The following BRINP2 variants were observed in gnomAD, a reference collection of about 807,000 sequenced individuals.
BRINP2 encodes BMP/retinoic acid-inducible neural-specific protein 2.
In BRINP2, 21 loss-of-function variants were observed where a neutral mutation model predicts 69.2. The observed-to-expected ratio is 0.30, with a 90% CI of 0.22 to 0.44. The LOEUF (loss-of-function observed/expected upper bound fraction) is 0.44, where lower values mean the gene tolerates loss of function less well. Among genes scored for constraint, BRINP2 ranks in the 20% least tolerant of loss-of-function variants. The probability of loss-of-function intolerance (pLI) is 1.00; values close to 1 mark genes in which losing one functional copy is unlikely to be tolerated. For synonymous variants in BRINP2, 380 were observed against 394.1 expected (o/e 0.96, Z 0.42); for missense variants, 877 against 986.0 (o/e 0.89, Z 1.48).
intron 1 of BRINP2, among the ~76,000 whole-genome samples, chr1:177,220,976 T>G (rs1394640077): frequency 6.6e-6 from 1 of 152,232 alleles, no homozygotes; most frequent in Non-Finnish European, 1.5e-5. Context: ...GAAAAGTGAT[T>G]GTAGGTGAAT....
At chr1:177,238,468 T>C (rs965555291) in intron 2 of BRINP2, among the ~76,000 whole-genome samples, 1 of 152,164 alleles carries the variant, frequency 6.6e-6, no homozygotes, top group South Asian at 2.1e-4. Flanking sequence ...CACTGGATTG[T>C]GGGGATGGGA....
At chr1:177,278,524 A>G (rs1407014922) in intron 6 of BRINP2, 39 bp from the exon 7 acceptor site, 4 of 1,598,772 alleles carry the variant, frequency 2.5e-6, no homozygotes, top group Non-Finnish European at 2.6e-6. Flanking sequence ...AGTTCTGCAT[A>G]GCTACCCGTC....
intron 1 of BRINP2, among the ~76,000 whole-genome samples, chr1:177,225,906 G>A (rs1443921966): frequency 1.3e-5 from 2 of 152,216 alleles, no homozygotes; most frequent in African/African-American, 4.8e-5. Context: ...TTTTTGAGAG[G>A]AGCAGTCGGC....
chr1:177,177,460 C>A (rs946484996), intron 1 of BRINP2, among the ~76,000 whole-genome samples: 1 of 152,182 alleles, frequency 6.6e-6, no homozygotes, highest in Non-Finnish European at 1.5e-5. Flanking sequence ...ACAACTTGAA[C>A]TCATATTTGC....
chr1:177,242,727 G>A (rs562992434), intron 2 of BRINP2, among the ~76,000 whole-genome samples: 80 of 152,236 alleles, frequency 5.3e-4, no homozygotes, highest in South Asian at 3.7e-3. Context: ...AGAACATGTC[G>A]TATTTCACCT....
chr1:177,187,578 T>C (rs1648464247), intron 1 of BRINP2, among the ~76,000 whole-genome samples: 1 of 152,166 alleles, frequency 6.6e-6, no homozygotes, highest in African/African-American at 2.4e-5. Context: ...ATATGAAGCC[T>C]GGAGGATCAG....
At chr1:177,224,419 C>G (rs1571913823) in intron 1 of BRINP2, among the ~76,000 whole-genome samples, 1 of 152,126 alleles carries the variant, frequency 6.6e-6, no homozygotes, top group Non-Finnish European at 1.5e-5. Flanking sequence ...AGACTAAAAT[C>G]ATAATGCCTC....
chr1:177,229,524 C>T (rs1213879712), intron 1 of BRINP2, among the ~76,000 whole-genome samples: 1 of 152,178 alleles, frequency 6.6e-6, no homozygotes, highest in African/African-American at 2.4e-5. Flanking sequence ...TCTGGTTTTA[C>T]CACTTAATAG....
At chr1:177,246,256 T>C (rs1650376820) in intron 2 of BRINP2, among the ~76,000 whole-genome samples, 1 of 152,150 alleles carries the variant, frequency 6.6e-6, no homozygotes, top group Non-Finnish European at 1.5e-5. Context: ...ATGACAAAGG[T>C]GGACAGTACT....
At chr1:177,215,765 T>C (rs1393932484) in intron 1 of BRINP2, among the ~76,000 whole-genome samples, 2 of 152,160 alleles carry the variant, frequency 1.3e-5, no homozygotes. Flanking sequence ...ATCCTTGACT[T>C]GTTCCAGAAT....
At chr1:177,255,852 T>C in intron 2 of BRINP2, 67 bp from the exon 3 acceptor site, 1 of 1,502,410 alleles carries the variant, frequency 6.7e-7, no homozygotes, top group Non-Finnish European at 9.1e-7. Flanking sequence ...CATTACCTAC[T>C]TCAGATTTTA....
Position 177,224,589 on chromosome 1 carries a change from CT to C in BRINP2, c.-76-5199del, listed in dbSNP as rs113688655. On this transcript the variant is annotated intron_variant, in intron 1 of 7. Transcript: ENST00000361539. ...GCCAACTTGTAAGTGGCAAAGGCTC[CT>C]TTTTTTTTTTTTAATAGCTGTAATT... Among the ~76,000 whole-genome samples the C allele has an allele frequency of 9.5e-3, 1,365 of 143,228 alleles. 11 individuals carry two copies. Among genetic ancestry groups the C allele is most frequent in the African/African-American group, 0.027 (1,053 of 39,186 alleles). The allele number at this position is 143,228 out of a possible 152,430, so 94.0% of individuals were successfully genotyped here. A position where few individuals can be genotyped will look rare whatever the true frequency, so the allele number is the denominator to read the frequency against.
At position 177,281,719 on chromosome 1, in the gene BRINP2, TACACAC is replaced by T. The variant is rs113470314; in HGVS notation, c.*206_*211del. The T allele has an allele frequency of 5.5e-5, 30 of 548,728 alleles. No individual in the cohort carries two copies. Among genetic ancestry groups the T allele is most frequent in the African/African-American group, 3.8e-4 (20 of 52,296 alleles). 34.0% of individuals were successfully genotyped at this position (548,728 alleles called of 1,614,324 possible). ...GCTACTGCGTGCGTGCGCGCACGCA[TACACAC>T]ACACACACACACACTGGCACAGGGA... On this transcript the variant is annotated 3_prime_UTR_variant, in exon 8 of 8. Coordinates refer to ENST00000361539, the MANE Select transcript of BRINP2 (RefSeq NM_021165.4).
chr1:177,233,160 G>A (rs934035421), intron 2 of BRINP2, among the ~76,000 whole-genome samples: 1 of 152,166 alleles, frequency 6.6e-6, no homozygotes, highest in Non-Finnish European at 1.5e-5. Flanking sequence ...TTCTAGAATA[G>A]CTGCAGCCTC....
intron 4 of BRINP2, among the ~76,000 whole-genome samples, 160 bp from the exon 5 acceptor site, chr1:177,273,327 GA>G: frequency 6.6e-6 from 1 of 152,312 alleles, no homozygotes; most frequent in Non-Finnish European, 1.5e-5. Flanking sequence ...GGCCAAGGAA[GA>G]AAGTGACTTT....
At chr1:177,245,190 C>G (rs1016917313) in intron 2 of BRINP2, among the ~76,000 whole-genome samples, 5 of 152,054 alleles carry the variant, frequency 3.3e-5, no homozygotes, top group Admixed American at 2.6e-4. Flanking sequence ...GTATTCAGAT[C>G]TTGTATCCTA....
chr1:177,221,145 C>G (rs959224488), intron 1 of BRINP2, among the ~76,000 whole-genome samples: 1 of 152,180 alleles, frequency 6.6e-6, no homozygotes, highest in African/African-American at 2.4e-5. Context: ...GTATTAAGGA[C>G]TCCCCTTGGG....
At chr1:177,174,345 G>A (rs533353593) in intron 1 of BRINP2, among the ~76,000 whole-genome samples, 1 of 152,190 alleles carries the variant, frequency 6.6e-6, no homozygotes, top group Non-Finnish European at 1.5e-5. Flanking sequence ...ATGACACAAG[G>A]TTTCTCCTCC....
At chr1:177,255,574 A>C (rs1208576138) in intron 2 of BRINP2, among the ~76,000 whole-genome samples, 2 of 152,234 alleles carry the variant, frequency 1.3e-5, no homozygotes, top group Non-Finnish European at 2.9e-5. Flanking sequence ...ATTAGATCAC[A>C]TCTTTGCAAA....
Sources: allele counts gnomAD v4.1 joint callset (sites outside exome capture counted in the v4.1 genomes callset), GRCh38; gene constraint gnomAD v4.1.1; transcripts MANE v1.5; gene names NCBI Gene and HGNC (gene_info 2026-07-23, HGNC 2026-07-21).